Variants in SEZ6 observed in about 807,000 individuals in gnomAD.
SEZ6 encodes the protein seizure related 6 homolog.
Under a neutral mutation model 101.0 loss-of-function variants are expected in SEZ6, and 53 were observed. That is an observed-to-expected ratio of 0.52 (90% confidence interval 0.42 to 0.66). SEZ6 has a LOEUF of 0.66. Among genes scored for constraint, SEZ6 ranks in the 30% least tolerant of loss-of-function variants. SEZ6 has a pLI of 0.00. For missense variants in SEZ6, 1,102 were observed against 1,289.4 expected (o/e 0.85, Z 2.23); for synonymous variants, 488 against 512.2 (o/e 0.95, Z 0.64).
At chr17:28,982,951 C>G in intron 1 of SEZ6, among the ~76,000 whole-genome samples, 1 of 151,708 alleles carries the variant, frequency 6.6e-6, no homozygotes, top group East Asian at 1.9e-4. Flanking sequence ...ACAGCATGAG[C>G]CACCGCACCC....
intron 14 of SEZ6, 98 bp from the exon 15 acceptor site, chr17:28,956,565 C>G (rs2040881892): frequency 1.4e-6 from 2 of 1,461,210 alleles, no homozygotes; most frequent in African/African-American, 2.8e-5. Context: ...CCAGCTCCCT[C>G]TAGCTGGCTG....
At position 28,981,429 on chromosome 17, in the gene SEZ6, C is replaced by A. The variant is rs968542801; in HGVS notation, c.666G>T (p.Glu222Asp). ...TGATGGTGGTGGTAGTGGTGGTCTC[C>A]TCATCATCTCCTGAAGCTGTGGAGG... is the stretch of plus-strand genomic sequence containing the variant. Reference protein sequence around the residue: ...ITSSTASGDDEETTTTTTIIT... With the variant: ...ITSSTASGDDDETTTTTTIIT... The change falls in exon 2 of 17, where the codon GAG becomes GAT. Residue 222 changes from glutamate to aspartate, a missense_variant. Around this residue, in one of 3 missense-constraint regions of SEZ6, gnomAD observed 406 missense variants for 418.6 expected, o/e 0.97. Coordinates refer to ENST00000317338, the MANE Select transcript of SEZ6 (RefSeq NM_178860.5). 4.5e-6 allele frequency: 7 copies of A among 1,557,088 alleles called. No individual in the cohort carries two copies. The highest frequency in any genetic ancestry group is 6.1e-6 in the Non-Finnish European group (7 of 1,149,982).
chr17:28,997,563 A>G (rs913492364), intron 1 of SEZ6, among the ~76,000 whole-genome samples: 5 of 152,146 alleles, frequency 3.3e-5, no homozygotes, highest in Admixed American at 2.6e-4. Flanking sequence ...CTGCTGCCTC[A>G]GCGGTCCAGC....
chr17:28,990,684 A>G (rs77450342), intron 1 of SEZ6, among the ~76,000 whole-genome samples: 2,531 of 152,086 alleles, frequency 0.017, 26 homozygotes, highest in Non-Finnish European at 0.027. Flanking sequence ...CCAGACCCCT[A>G]TGATTTCATC....
At chr17:28,974,769 G>T (rs2041200001) in intron 3 of SEZ6, among the ~76,000 whole-genome samples, 1 of 152,210 alleles carries the variant, frequency 6.6e-6, no homozygotes, top group South Asian at 2.1e-4. Context: ...ATCAGGCAGG[G>T]CTGACTGGGA....
chr17:29,005,078 GGTGTGTGTGTGTGT>G lies in SEZ6; in HGVS notation c.55+723_55+736del, dbSNP rs58063439. Among the ~76,000 whole-genome samples the G allele has an allele frequency of 3.6e-5, 5 of 137,674 alleles. No individual in the cohort carries two copies. The highest frequency in any genetic ancestry group is 4.4e-4 in the East Asian group (2 of 4,554). The allele number at this position is 137,674 out of a possible 152,430, so 90.3% of individuals were successfully genotyped here. A position where few individuals can be genotyped will look rare whatever the true frequency, so the allele number is the denominator to read the frequency against. ...GGAGGGAGGCAGAGCTCGGGGCAGTGGTGTGTGTGTGTGTGTGTGTGTGTGTGTGTGTGTGTGTG... is the reference window on the plus strand; with the variant it reads ...GGAGGGAGGCAGAGCTCGGGGCAGTGGTGTGTGTGTGTGTGTGTGTGTGTG... On this transcript the variant is annotated intron_variant, in intron 1 of 16. Transcript: ENST00000317338. The surrounding 1 kb of genome is among the most constrained non-coding windows in gnomAD (Gnocchi z 4.8).
intron 1 of SEZ6, among the ~76,000 whole-genome samples, chr17:28,985,177 G>A (rs963219067): frequency 2.0e-5 from 3 of 152,236 alleles, no homozygotes; most frequent in Non-Finnish European, 4.4e-5. Flanking sequence ...GCAGACTGGA[G>A]CTACACAGCA....
chr17:28,982,198 A>C (rs2041318384), intron 1 of SEZ6, among the ~76,000 whole-genome samples, 159 bp from the exon 2 acceptor site: 1 of 152,154 alleles, frequency 6.6e-6, no homozygotes, highest in Non-Finnish European at 1.5e-5. Flanking sequence ...GTGAACTGGA[A>C]GTGAGGTGCT....
intron 1 of SEZ6, among the ~76,000 whole-genome samples, chr17:28,995,152 C>G (rs1198000617): frequency 1.3e-5 from 2 of 152,176 alleles, no homozygotes; most frequent in African/African-American, 4.8e-5. Flanking sequence ...GGATTACAGG[C>G]GTGAGCCACC....
intron 1 of SEZ6, among the ~76,000 whole-genome samples, chr17:29,004,222 C>G (rs1020533109): frequency 1.1e-4 from 17 of 152,218 alleles, no homozygotes; most frequent in African/African-American, 3.9e-4. Flanking sequence ...CACACAAGGC[C>G]TTGACTAACT....
chr17:28,955,920 C>G lies in SEZ6; in HGVS notation c.*42G>C, dbSNP rs753294272. On this transcript the variant is annotated 3_prime_UTR_variant, in exon 17 of 17. Coordinates refer to ENST00000317338, the MANE Select transcript of SEZ6 (RefSeq NM_178860.5). ...CTTGCTGCTGGACTGTGGTGCAAGTCTGAGTTGACTTCCCTAGACTGCCCC... is the reference window on the plus strand; with the variant it reads ...CTTGCTGCTGGACTGTGGTGCAAGTGTGAGTTGACTTCCCTAGACTGCCCC... 6.2e-7 allele frequency: 1 copy of G among 1,604,390 alleles called. No homozygotes were observed. Among genetic ancestry groups the G allele is most frequent in the East Asian group, 2.2e-5 (1 of 44,582 alleles).
intron 1 of SEZ6, among the ~76,000 whole-genome samples, chr17:28,993,090 TG>T (rs1487182460): frequency 6.6e-6 from 1 of 152,028 alleles, no homozygotes; most frequent in Non-Finnish European, 1.5e-5. Flanking sequence ...CCCCAGCCTC[TG>T]GGGTAGGATG....
At chr17:28,996,094 G>A (rs2041533890) in intron 1 of SEZ6, among the ~76,000 whole-genome samples, 1 of 151,584 alleles carries the variant, frequency 6.6e-6, no homozygotes, top group South Asian at 2.1e-4. Flanking sequence ...TCCGCCTCCC[G>A]GGTTCACGCC....
intron 4 of SEZ6, among the ~76,000 whole-genome samples, chr17:28,968,193 C>T (rs1273532875): frequency 2.0e-5 from 3 of 152,208 alleles, no homozygotes; most frequent in Non-Finnish European, 2.9e-5. Flanking sequence ...AGCACACGCT[C>T]CTCCTGTTCC....
In SEZ6 at chr17:28,959,263, C is replaced by A; in HGVS notation, c.1911-42G>T. The A allele has an allele frequency of 1.2e-6, 2 of 1,612,666 alleles. No homozygotes were observed. The highest frequency in any genetic ancestry group is 2.2e-5 in the South Asian group (2 of 90,984). On this transcript the variant is annotated intron_variant, in intron 9 of 16. Coordinates refer to ENST00000317338, the MANE Select transcript of SEZ6 (RefSeq NM_178860.5). This position sits in a 1 kb window ranked among gnomAD's most constrained non-coding sequence, Gnocchi z 4.4. ...TCAGGGCAGAGCCGGCCTGGGGGCC[C>A]GAGGATGGGCTGGACAAGGGATATC...
chr17:28,980,865 A>C (rs1046767212), intron 2 of SEZ6, among the ~76,000 whole-genome samples: 3 of 151,910 alleles, frequency 2.0e-5, no homozygotes, highest in Non-Finnish European at 4.4e-5. Flanking sequence ...GTTAAATAGA[A>C]TTCCTAGGGT....
chr17:28,974,418 CT>C (rs1281464581), intron 3 of SEZ6, among the ~76,000 whole-genome samples: 1 of 152,200 alleles, frequency 6.6e-6, no homozygotes, highest in Non-Finnish European at 1.5e-5. Context: ...CACCACCACC[CT>C]ATTCGCATGC....
At position 28,962,101 on chromosome 17, in the gene SEZ6, C is replaced by G. The variant is rs148961692; in HGVS notation, c.1241-1128G>C. 2.0e-4 allele frequency among the ~76,000 whole-genome samples: 30 copies of G among 152,290 alleles called. No homozygotes were observed. In the East Asian group the frequency reaches 5.8e-3, roughly 29 times the overall value. ...GGTGTTCAAGCCCTTTATGAATCCA[C>G]CTCTCTCTAGACTCAGCTTCAGTCC... On this transcript the variant is annotated intron_variant, in intron 5 of 16. Coordinates refer to ENST00000317338, the MANE Select transcript of SEZ6 (RefSeq NM_178860.5).
Position 28,981,858 on chromosome 17 carries a change from C to G in SEZ6, c.237G>C (p.Glu79Asp). ...GCTCCTCATCTCCCTTTTCCAGCCC[C>G]TCTTGTAGGAATTCCTCAAGCAGCG... ...HHPLLEEFLQ[E>D]GLEKGDEELR... Residue 79 changes from glutamate to aspartate, a missense_variant, in exon 2 of 17, where the codon GAG becomes GAC. Transcript: ENST00000317338. 1 of 1,613,930 alleles carries G rather than the reference C, an allele frequency of 6.2e-7. No individual in the cohort carries two copies. Among genetic ancestry groups the G allele is most frequent in the Non-Finnish European group, 8.5e-7 (1 of 1,179,870 alleles).
Sources: allele counts gnomAD v4.1 joint callset (sites outside exome capture counted in the v4.1 genomes callset), GRCh38; gene constraint gnomAD v4.1.1; regional missense constraint gnomAD v4.1.1; non-coding constraint Gnocchi (gnomAD v3.1); transcripts MANE v1.5; gene names NCBI Gene and HGNC (gene_info 2026-07-23, HGNC 2026-07-21).